Variants in KCNIP4 observed in about 807,000 individuals in gnomAD.
KCNIP4 encodes the protein Kv channel-interacting protein 4.
KCNIP4 carries 12 observed loss-of-function variants against 34.0 expected under a neutral mutation model. That is an observed-to-expected ratio of 0.35 (90% CI 0.23 to 0.57). The LOEUF (loss-of-function observed/expected upper bound fraction) is 0.57, where lower values mean the gene tolerates loss of function less well. KCNIP4 is among the 20% of genes least tolerant of loss of function. The pLI is 0.83. For synonymous variants in KCNIP4, 124 were observed against 102.2 expected, an observed-to-expected ratio of 1.21 and a Z score of -1.29; for missense variants, 238 against 311.7, an observed-to-expected ratio of 0.76 and a Z score of 1.78.
At chr4:21,224,582 T>G (rs1173764372) in intron 1 of KCNIP4, among the ~76,000 whole-genome samples, 2 of 128,500 alleles carry the variant, frequency 1.6e-5, no homozygotes, top group Non-Finnish European at 3.3e-5. Flanking sequence ...TCAACTGTTT[T>G]TTTTTTTTTT....
intron 1 of KCNIP4, among the ~76,000 whole-genome samples, chr4:21,089,420 T>C (rs1746777282): frequency 6.6e-6 from 1 of 152,222 alleles, no homozygotes; most frequent in Admixed American, 6.5e-5. Context: ...TGTGAGTCAA[T>C]TAAAACTCTT....
intron 1 of KCNIP4, among the ~76,000 whole-genome samples, chr4:21,444,601 A>G (rs1358341150): frequency 6.6e-6 from 1 of 152,196 alleles, no homozygotes. Flanking sequence ...ACTCTCAATA[A>G]ATTAGGTATT....
chr4:21,630,859 G>C (rs7669209), intron 1 of KCNIP4, among the ~76,000 whole-genome samples: 10,390 of 152,170 alleles, frequency 0.068, 439 homozygotes, highest in Non-Finnish European at 0.098. Flanking sequence ...CTAATGTATT[G>C]AGTAACATGT....
At chr4:21,246,969 T>C (rs1444431726) in intron 1 of KCNIP4, among the ~76,000 whole-genome samples, 1 of 152,202 alleles carries the variant, frequency 6.6e-6, no homozygotes, top group Non-Finnish European at 1.5e-5. Flanking sequence ...TTCTCTACAT[T>C]ATTTATTAAT....
intron 1 of KCNIP4, among the ~76,000 whole-genome samples, chr4:21,826,061 A>G (rs1278270500): frequency 6.6e-6 from 1 of 152,148 alleles, no homozygotes; most frequent in Non-Finnish European, 1.5e-5. Flanking sequence ...GTGTCCAGGA[A>G]AAGGCCAACA....
intron 1 of KCNIP4, among the ~76,000 whole-genome samples, chr4:21,872,601 G>A (rs1223173869): frequency 6.6e-6 from 1 of 152,080 alleles, no homozygotes; most frequent in East Asian, 1.9e-4. Context: ...AAAAGGAGAT[G>A]CAAAGACCTC....
intron 1 of KCNIP4, among the ~76,000 whole-genome samples, chr4:21,885,244 T>C (rs1726698343): frequency 6.6e-6 from 1 of 152,110 alleles, no homozygotes; most frequent in Admixed American, 6.6e-5. Context: ...ATAAAAGTCT[T>C]CCATAATTTC....
intron 1 of KCNIP4, among the ~76,000 whole-genome samples, chr4:21,203,945 C>A (rs901612864): frequency 1.3e-5 from 2 of 152,120 alleles, no homozygotes; most frequent in African/African-American, 4.8e-5. Context: ...CTTCTCCGTC[C>A]CAGAATGGCT....
At chr4:21,593,336 C>T (rs1376344237) in intron 1 of KCNIP4, among the ~76,000 whole-genome samples, 4 of 152,026 alleles carry the variant, frequency 2.6e-5, no homozygotes, top group Non-Finnish European at 5.9e-5. Flanking sequence ...AAATGTGATC[C>T]GTTTATTATC....
At chr4:20,893,236 A>C (rs1481025582) in intron 1 of KCNIP4, among the ~76,000 whole-genome samples, 1 of 152,206 alleles carries the variant, frequency 6.6e-6, no homozygotes, top group East Asian at 1.9e-4. Flanking sequence ...ATGGTGTTTT[A>C]AGAATAGCTA....
intron 1 of KCNIP4, among the ~76,000 whole-genome samples, chr4:21,607,703 G>A (rs1461180249): frequency 6.6e-6 from 1 of 151,984 alleles, no homozygotes; most frequent in East Asian, 2.0e-4. Context: ...TTCCTTTGAA[G>A]TCTAGCATTA....
At chr4:20,850,472 C>T (rs1190895048) in intron 3 of KCNIP4, 71 bp downstream of exon 3, 38 of 1,516,224 alleles carry the variant, frequency 2.5e-5, no homozygotes, top group Non-Finnish European at 3.4e-5. Context: ...GATATTTTCC[C>T]CCTTTTCCTC....
In KCNIP4 at chr4:21,476,263, T is replaced by C. The variant is rs370073997; in HGVS notation, c.61+472308A>G. Among the ~76,000 whole-genome samples the C allele has an allele frequency of 9.1e-4, 139 of 152,354 alleles. 1 individual carries two copies. Among genetic ancestry groups the C allele is most frequent in the African/African-American group, 3.2e-3 (131 of 41,578 alleles). Reference sequence around the variant, plus strand: ...CTATCTATTGAGTTTTTCATTATGCTGCTGAAACTAGCATAAGAAAATTTG... The same window carrying C: ...CTATCTATTGAGTTTTTCATTATGCCGCTGAAACTAGCATAAGAAAATTTG... On this transcript the variant is annotated intron_variant, in intron 1 of 8. Coordinates refer to ENST00000382152, the MANE Select transcript of KCNIP4 (RefSeq NM_025221.6).
At chr4:20,990,042 G>A (rs1736949634) in intron 1 of KCNIP4, among the ~76,000 whole-genome samples, 1 of 152,198 alleles carries the variant, frequency 6.6e-6, no homozygotes, top group Admixed American at 6.5e-5. Flanking sequence ...CGAGAAAAAT[G>A]AGATTGGATA....
At chr4:20,816,788 A>T (rs1716441530) in intron 3 of KCNIP4, among the ~76,000 whole-genome samples, 1 of 152,144 alleles carries the variant, frequency 6.6e-6, no homozygotes, top group Non-Finnish European at 1.5e-5. Flanking sequence ...TCCGTCATAG[A>T]CCTAATAATC....
intron 2 of KCNIP4, among the ~76,000 whole-genome samples, chr4:20,855,022 G>GACCT (rs1721427984): frequency 6.6e-6 from 1 of 152,154 alleles, no homozygotes; most frequent in Non-Finnish European, 1.5e-5. Flanking sequence ...GGTTTGCGAA[G>GACCT]ACCTGTAACA....
intron 3 of KCNIP4, among the ~76,000 whole-genome samples, chr4:20,816,291 C>G (rs912254197): frequency 6.6e-6 from 1 of 151,682 alleles, no homozygotes. Context: ...GAAGGCAGAG[C>G]CTTTCTCAAC....
chr4:21,914,291 G>A (rs181842089), intron 1 of KCNIP4, among the ~76,000 whole-genome samples: 7 of 152,274 alleles, frequency 4.6e-5, no homozygotes, highest in Middle Eastern at 3.4e-3. Context: ...CAAGTATGTA[G>A]AATGGACAGA....
At chr4:21,884,825 C>T (rs997262745) in intron 1 of KCNIP4, among the ~76,000 whole-genome samples, 1 of 152,046 alleles carries the variant, frequency 6.6e-6, no homozygotes, top group East Asian at 1.9e-4. Flanking sequence ...GATGATGTCA[C>T]CACCACAGTC....
Sources: allele counts gnomAD v4.1 joint callset (sites outside exome capture counted in the v4.1 genomes callset), GRCh38; gene constraint gnomAD v4.1.1; transcripts MANE v1.5; gene names NCBI Gene and HGNC (gene_info 2026-07-23, HGNC 2026-07-21).